The following TRAF3IP2 variants were observed in gnomAD, a reference collection of about 807,000 sequenced individuals.
The protein encoded by TRAF3IP2 is E3 ubiquitin ligase TRAF3IP2.
A neutral mutation model predicts 57.9 loss-of-function variants in TRAF3IP2; 35 were observed. The ratio of observed to expected loss-of-function variants is 0.60; its 90% CI spans 0.46 to 0.80. The LOEUF is 0.80. Ranked by LOEUF, TRAF3IP2 falls within the 30% of genes least tolerant of loss-of-function variation. The probability of loss-of-function intolerance (pLI) is 0.00; values close to 1 mark genes in which losing one functional copy is unlikely to be tolerated. For missense variants in TRAF3IP2, 556 were observed against 706.4 expected (o/e 0.79, Z 2.41); for synonymous variants, 251 against 268.9 (o/e 0.93, Z 0.65).
chr6:111,568,411 G>T (rs1795718377), intron 5 of TRAF3IP2, among the ~76,000 whole-genome samples: 1 of 138,108 alleles, frequency 7.2e-6, no homozygotes. Flanking sequence ...GGCCCTTCTT[G>T]GGCTCAGGCT....
rs772290706 is a variant in TRAF3IP2 at position 111,591,509 on chromosome 6, G to C, written c.578C>G (p.Pro193Arg). The change falls in exon 2 of 9, where the codon CCA (proline) becomes CGA (arginine). Residue 193 changes from proline to arginine, a missense_variant. Coordinates refer to ENST00000368761, the MANE Select transcript of TRAF3IP2 (RefSeq NM_147686.4). The surrounding 1 kb of genome is among the most constrained non-coding windows in gnomAD (Gnocchi z 4.9). ...PHRNRAGLDL[P>R]TIDTGYDSQP... The stretch of plus-strand genomic sequence containing the variant: ...GGAATCATATCCCGTGTCTATGGTT[G>C]GCAGATCCAGGCCTGCTCGGTTCCT... The C allele has an allele frequency of 6.2e-7, 1 of 1,612,190 alleles. No homozygotes were observed. The highest frequency in any genetic ancestry group is 8.5e-7 in the Non-Finnish European group (1 of 1,178,450).
chr6:111,575,311 G>A (rs561146758), intron 4 of TRAF3IP2, among the ~76,000 whole-genome samples: 13 of 151,514 alleles, frequency 8.6e-5, no homozygotes, highest in Non-Finnish European at 1.5e-4. Context: ...AGGAGTGGCC[G>A]GGTGCGGTGG....
intron 7 of TRAF3IP2, chr6:111,565,375 C>T (rs1795602816): frequency 6.6e-6 from 1 of 152,222 alleles, no homozygotes; most frequent in Admixed American, 6.5e-5. Flanking sequence ...CCTTCCCCCT[C>T]ATGAAGTGTT....
At chr6:111,581,977 C>T (rs1057109998) in intron 2 of TRAF3IP2, among the ~76,000 whole-genome samples, 1 of 151,698 alleles carries the variant, frequency 6.6e-6, no homozygotes, top group African/African-American at 2.4e-5. Context: ...GACTCCGTCT[C>T]AAAAACAAAA....
intron 3 of TRAF3IP2, chr6:111,577,152 T>C (rs1796016851): frequency 7.5e-6 from 1 of 132,984 alleles, no homozygotes; most frequent in African/African-American, 2.7e-5. Flanking sequence ...TCTTTTTCTT[T>C]TTTTTTTTTA....
In TRAF3IP2 at chr6:111,575,696, C is replaced by T; in HGVS notation, c.1148G>A (p.Ser383Asn). The change falls in exon 4 of 9, where the codon AGC (serine) becomes AAC (asparagine). Residue 383 changes from serine (S) to asparagine (N), a missense_variant. By Grantham distance (46) the Ser-to-Asn change is conservative. Coordinates refer to ENST00000368761, the MANE Select transcript of TRAF3IP2 (RefSeq NM_147686.4). ...TAGAGTTCCTCTGGCTGGAGGGTTGCTAGGGGGTCTAGGCACAGCAGCTGG... is the reference window on the plus strand; with the variant it reads ...TAGAGTTCCTCTGGCTGGAGGGTTGTTAGGGGGTCTAGGCACAGCAGCTGG... The part of the protein sequence containing the change: ...PSPAAVPRPP[S>N]NPPARGTLKT... 1 of 1,613,084 alleles carries T rather than the reference C, an allele frequency of 6.2e-7. No homozygotes were observed. Among genetic ancestry groups the T allele is most frequent in the Non-Finnish European group, 8.5e-7 (1 of 1,179,726 alleles).
chr6:111,569,669 T>C (rs948945688), intron 5 of TRAF3IP2, among the ~76,000 whole-genome samples: 1 of 152,010 alleles, frequency 6.6e-6, no homozygotes, highest in African/African-American at 2.4e-5. Context: ...GGCAGGAAAA[T>C]TGCTTGAGCC....
At chr6:111,580,060 T>C in intron 3 of TRAF3IP2, 137 bp downstream of exon 3, 2 of 984,808 alleles carry the variant, frequency 2.0e-6, no homozygotes, top group Non-Finnish European at 3.0e-6. Flanking sequence ...GAAAAGTCTA[T>C]ATTGGGCATT....
intron 2 of TRAF3IP2, among the ~76,000 whole-genome samples, chr6:111,586,062 C>T (rs527435567): frequency 4.6e-5 from 7 of 152,144 alleles, no homozygotes; most frequent in Middle Eastern, 3.4e-3. Flanking sequence ...CAAAAAAAAT[C>T]GTGATATAAT....
rs904195972 is a variant in TRAF3IP2, at chr6:111,583,030, A to T, written c.830-2641T>A. Among the ~76,000 whole-genome samples the T allele has an allele frequency of 6.6e-5, 10 of 152,126 alleles. 1 individual carries two copies. Among genetic ancestry groups the T allele is most frequent in the Admixed American group, 5.2e-4 (8 of 15,272 alleles). On this transcript the variant is annotated intron_variant, in intron 2 of 8. Transcript: ENST00000368761. ...CCTCTTCACCCAGTTACTTTATCCC[A>T]TTCCCTATTTTGCTTTCTTCGTAGT...
chr6:111,564,496 C>T (rs1002100502), intron 7 of TRAF3IP2, among the ~76,000 whole-genome samples: 16 of 152,182 alleles, frequency 1.1e-4, no homozygotes, highest in African/African-American at 3.6e-4. Flanking sequence ...CTTCCAGAAA[C>T]TGAGTTTCTG....
rs1271509225 is a variant in TRAF3IP2, at chr6:111,593,268, C to T, written c.-8-1174G>A. 2.0e-5 allele frequency among the ~76,000 whole-genome samples: 3 copies of T among 152,350 alleles called. No homozygotes were observed. In the East Asian group the frequency reaches 5.8e-4, roughly 29 times the overall value. ...ACCAGAGAGAGAAAAGGGATTATGTCTGGATTTAAAAATTCCTACTTTGGA... is the reference window on the plus strand; with the variant it reads ...ACCAGAGAGAGAAAAGGGATTATGTTTGGATTTAAAAATTCCTACTTTGGA... On this transcript the variant is annotated intron_variant, in intron 1 of 8. Coordinates refer to ENST00000368761, the MANE Select transcript of TRAF3IP2 (RefSeq NM_147686.4).
Position 111,558,241 on chromosome 6 carries a change from G to A in TRAF3IP2, c.*1164C>T, listed in dbSNP as rs981690967. The A allele has an allele frequency of 3.3e-5, 5 of 152,100 alleles. No individual in the cohort carries two copies. Among genetic ancestry groups the A allele is most frequent in the Non-Finnish European group, 7.4e-5 (5 of 68,014 alleles). The allele number at this position is 152,100 out of a possible 1,614,324, so 9.4% of individuals were successfully genotyped here. ...AGAAAAGTTAAAGGACTTGCTAAAG[G>A]TCATACAGCTAATTGGTGGTAGAAC... is the stretch of plus-strand genomic sequence containing the variant. On this transcript the variant is annotated 3_prime_UTR_variant, in exon 9 of 9. Transcript: ENST00000368761.
At chr6:111,573,638 GA>G (rs1330884233) in intron 4 of TRAF3IP2, 22 of 152,404 alleles carry the variant, frequency 1.4e-4, no homozygotes, top group Admixed American at 1.4e-3. Context: ...CAACATCACA[GA>G]CTCCATCACT....
chr6:111,603,076 CAAGG>C (rs1583251441), intron 1 of TRAF3IP2, among the ~76,000 whole-genome samples: 1 of 130,684 alleles, frequency 7.7e-6, no homozygotes, highest in East Asian at 2.3e-4. Flanking sequence ...TGTGCACACA[CAAGG>C]TGTGCACACA....
chr6:111,590,900 G>A (rs764689880), intron 2 of TRAF3IP2, among the ~76,000 whole-genome samples: 23 of 152,124 alleles, frequency 1.5e-4, no homozygotes, highest in Non-Finnish European at 2.6e-4. Flanking sequence ...ATGACGAGAA[G>A]GAAGAACCCA....
At chr6:111,566,313 A>G (rs894760813) in intron 7 of TRAF3IP2, 131 bp downstream of exon 7, 2 of 744,812 alleles carry the variant, frequency 2.7e-6, no homozygotes, top group African/African-American at 3.5e-5. Context: ...CTCTCCTGAC[A>G]TGGCAAGCCT....
chr6:111,559,139 G>A lies in TRAF3IP2; in HGVS notation c.*266C>T. On this transcript the variant is annotated 3_prime_UTR_variant, in exon 9 of 9. Coordinates refer to ENST00000368761, the MANE Select transcript of TRAF3IP2 (RefSeq NM_147686.4). ...CCAGAATGGACACATCAAACTGTCAGGAGGAACATATGGGACACTGGCACC... is the reference window on the plus strand; with the variant it reads ...CCAGAATGGACACATCAAACTGTCAAGAGGAACATATGGGACACTGGCACC... 2.5e-6 allele frequency: 1 copy of A among 394,520 alleles called. No homozygotes were observed. The highest frequency in any genetic ancestry group is 4.6e-6 in the Non-Finnish European group (1 of 219,150). The allele number at this position is 394,520 out of a possible 1,614,324, so 24.4% of individuals were successfully genotyped here.
rs1250226296 is a variant in TRAF3IP2 at position 111,591,319 on chromosome 6, G to A, written c.768C>T (p.Ser256=). The change falls in exon 2 of 9, where the codon TCC becomes TCT. Residue 256 remains serine, a synonymous_variant. Transcript: ENST00000368761. This position sits in a 1 kb window ranked among gnomAD's most constrained non-coding sequence, Gnocchi z 4.9. ...ACAQMLPPNL[S]PHAPWNYHYH... is the part of the protein sequence containing the mutation. ...AATGATAGTTCCATGGAGCATGTGG[G>A]GAAAGATTGGGAGGCAGCATCTGTG... The A allele has an allele frequency of 1.3e-6, 2 of 1,517,222 alleles. No homozygotes were observed. The highest frequency in any genetic ancestry group is 1.8e-6 in the Non-Finnish European group (2 of 1,134,560). The allele number at this position is 1,517,222 out of a possible 1,614,324, so 94.0% of individuals were successfully genotyped here. A position where few individuals can be genotyped will look rare whatever the true frequency, so the allele number is the denominator to read the frequency against.
Sources: allele counts gnomAD v4.1 joint callset (sites outside exome capture counted in the v4.1 genomes callset), GRCh38; gene constraint gnomAD v4.1.1; non-coding constraint Gnocchi (gnomAD v3.1); transcripts MANE v1.5; gene names NCBI Gene and HGNC (gene_info 2026-07-23, HGNC 2026-07-21).